The following PLAT variants were observed in gnomAD, a reference collection of about 807,000 sequenced individuals.
The protein encoded by PLAT is plasminogen activator, tissue type, also known as tissue-type plasminogen activator.
In PLAT, 48 loss-of-function variants were observed where a neutral mutation model predicts 74.9. That is an observed-to-expected ratio of 0.64 (90% CI 0.51 to 0.82). PLAT has a LOEUF of 0.82. Among genes scored for constraint, PLAT ranks in the 40% least tolerant of loss-of-function variants. PLAT has a pLI of 0.00. For synonymous variants in PLAT, 307 were observed against 294.4 expected, an observed-to-expected ratio of 1.04 and a Z score of -0.44; for missense variants, 673 against 736.2, an observed-to-expected ratio of 0.91 and a Z score of 0.99.
chr8:42,201,428 G>A (rs1194385261), intron 1 of PLAT, among the ~76,000 whole-genome samples: 1 of 152,146 alleles, frequency 6.6e-6, no homozygotes, highest in Non-Finnish European at 1.5e-5. Context: ...AAGCACTGAG[G>A]CTTCCCGCTT....
At chr8:42,179,671 A>G (rs1805131343) in intron 12 of PLAT, among the ~76,000 whole-genome samples, 1 of 152,144 alleles carries the variant, frequency 6.6e-6, no homozygotes, top group Non-Finnish European at 1.5e-5. Flanking sequence ...ACTGTACTCC[A>G]CTTCCTACTC....
chr8:42,180,316 T>C lies in PLAT; in HGVS notation c.1148A>G (p.Glu383Gly), dbSNP rs1805180183. The C allele has an allele frequency of 6.2e-7, 1 of 1,614,238 alleles. No homozygotes were observed. The change falls in exon 11 of 14, where the codon GAG becomes GGG. Residue 383 changes from glutamate (E) to glycine (G), a missense_variant. Coordinates refer to ENST00000220809, the MANE Select transcript of PLAT (RefSeq NM_000930.5). ...GRTYRVVPGE[E>G]EQKFEVEKYI... ...TTTTTCGACTTCAAATTTCTGCTCCTCCTCGCCAGGGACCACCCGGTATGT... is the reference window on the plus strand; with the variant it reads ...TTTTTCGACTTCAAATTTCTGCTCCCCCTCGCCAGGGACCACCCGGTATGT...
chr8:42,187,863 G>C, intron 5 of PLAT, 43 bp downstream of exon 5: 1 of 1,275,722 alleles, frequency 7.8e-7, no homozygotes, highest in Non-Finnish European at 1.1e-6. Context: ...GGAGACTGGA[G>C]AGGTGGGATT....
chr8:42,198,867 C>G (rs1806019914), intron 1 of PLAT, among the ~76,000 whole-genome samples: 1 of 152,166 alleles, frequency 6.6e-6, no homozygotes. Context: ...AACACACTCT[C>G]CACTGCCACC....
intron 13 of PLAT, among the ~76,000 whole-genome samples, chr8:42,177,836 C>T (rs8178890): frequency 0.032 from 4,876 of 152,216 alleles, 99 homozygotes; most frequent in Non-Finnish European, 0.052. Context: ...GAGGGGAAAC[C>T]GCCGATATGA....
chr8:42,180,471 T>G lies in PLAT; in HGVS notation c.1085+19A>C. 1 of 1,613,874 alleles carries G rather than the reference T, an allele frequency of 6.2e-7. No homozygotes were observed. The highest frequency in any genetic ancestry group is 8.5e-7 in the Non-Finnish European group (1 of 1,179,964). On this transcript the variant is annotated intron_variant, in intron 10 of 13. Transcript: ENST00000220809. ...GGCGTTAGAGGGTGGAAAAACCAAC[T>G]GGGTTTCCGAGCCCCTACCTCTCCT...
rs1805293394 is a variant in PLAT, at chr8:42,182,643, A to G, written c.803+76T>C. 15 of 1,147,254 alleles carry G rather than the reference A, an allele frequency of 1.3e-5. No individual in the cohort carries two copies. In the South Asian group the frequency reaches 1.8e-4, roughly 14 times the overall value. 71.1% of individuals were successfully genotyped at this position (1,147,254 alleles called of 1,614,324 possible). A position where few individuals can be genotyped will look rare whatever the true frequency, so the allele number is the denominator to read the frequency against. On this transcript the variant is annotated intron_variant, in intron 8 of 13. Transcript: ENST00000220809. ...CTGGGTCTGTCATGCAACTTGAGAC[A>G]TTGGATCTTCCCCCGTCTCACACCC...
intron 1 of PLAT, among the ~76,000 whole-genome samples, chr8:42,205,388 G>A (rs370412308): frequency 1.3e-5 from 2 of 152,178 alleles, no homozygotes; most frequent in Non-Finnish European, 2.9e-5. Context: ...TTAACCAGGT[G>A]TGGTGGCAGG....
chr8:42,192,961 G>C (rs1413446558), intron 2 of PLAT, among the ~76,000 whole-genome samples, 153 bp downstream of exon 2: 4 of 152,212 alleles, frequency 2.6e-5, no homozygotes, highest in Non-Finnish European at 1.5e-5. Flanking sequence ...AGTGTGTGCT[G>C]TGTGCTCCAC....
intron 13 of PLAT, among the ~76,000 whole-genome samples, chr8:42,176,748 C>G (rs1337386579): frequency 6.6e-6 from 1 of 152,150 alleles, no homozygotes; most frequent in African/African-American, 2.4e-5. Context: ...AACATTTATT[C>G]CCTGAATTAA....
chr8:42,190,849 C>A (rs968208558), intron 3 of PLAT, among the ~76,000 whole-genome samples: 32 of 151,792 alleles, frequency 2.1e-4, no homozygotes, highest in Middle Eastern at 3.2e-3. Context: ...GGTGGGACAT[C>A]CCAGTTGGGA....
chr8:42,189,172 A>G (rs1587936273), intron 3 of PLAT, 101 bp from the exon 4 acceptor site: 1 of 1,201,032 alleles, frequency 8.3e-7, no homozygotes, highest in East Asian at 2.4e-5. Flanking sequence ...TGCTTTCTAT[A>G]GACTCCATTG....
intron 1 of PLAT, among the ~76,000 whole-genome samples, chr8:42,193,958 C>T (rs571016360): frequency 6.6e-6 from 1 of 151,766 alleles, no homozygotes; most frequent in African/African-American, 2.4e-5. Context: ...TCGTGATCCG[C>T]TCGCCTTGGC....
intron 4 of PLAT, 137 bp downstream of exon 4, chr8:42,188,797 A>AT: frequency 1.4e-6 from 1 of 712,406 alleles, no homozygotes; most frequent in Non-Finnish European, 2.4e-6. Flanking sequence ...TAATTTTTTT[A>AT]TTTTTTGTAG....
chr8:42,199,755 A>G (rs528553508), intron 1 of PLAT, among the ~76,000 whole-genome samples: 27 of 152,368 alleles, frequency 1.8e-4, no homozygotes, highest in African/African-American at 6.0e-4. Flanking sequence ...TCTGAAGCAA[A>G]CACAAGGACC....
In PLAT at chr8:42,189,016, CAG is replaced by C; in HGVS notation, c.169_170del (p.Leu57AlafsTer63). 6.2e-7 allele frequency: 1 copy of C among 1,614,028 alleles called. No homozygotes were observed. Among genetic ancestry groups the C allele is most frequent in the Non-Finnish European group, 8.5e-7 (1 of 1,179,892 alleles). On this transcript the variant is annotated frameshift_variant, in exon 4 of 14. Transcript: ENST00000220809. LOFTEE classifies it high-confidence loss of function. The part of the protein sequence containing the change: ...QMIYQQHQSW[L>X]RPVLRSNRVE... ...CCCGGTTGCTTCTGAGCACAGGGCG[CAG>C]CCATGACTGATGTTGCTGGTATATC... is the stretch of plus-strand genomic sequence containing the variant.
At chr8:42,180,708 GCAGTCAGT>G (rs751909777) in intron 9 of PLAT, 23 bp from the exon 10 acceptor site, 2 of 1,540,720 alleles carry the variant, frequency 1.3e-6, no homozygotes, top group Non-Finnish European at 1.8e-6. Context: ...GGACGAGGAG[GCAGTCAGT>G]CCCACAGGCC....
intron 1 of PLAT, among the ~76,000 whole-genome samples, chr8:42,194,249 T>A (rs987470949): frequency 0.022 from 773 of 35,764 alleles, 1 homozygote; most frequent in African/African-American, 0.033. Flanking sequence ...AGAGTGTGTG[T>A]GTGTGTGTGT....
intron 5 of PLAT, 63 bp downstream of exon 5, chr8:42,187,843 C>CG: frequency 8.5e-7 from 1 of 1,172,222 alleles, no homozygotes; most frequent in South Asian, 1.3e-5. Flanking sequence ...CCTTTCCTTC[C>CG]GGGGGCGGGG....
Sources: allele counts gnomAD v4.1 joint callset (sites outside exome capture counted in the v4.1 genomes callset), GRCh38; gene constraint gnomAD v4.1.1; transcripts MANE v1.5; gene names NCBI Gene and HGNC (gene_info 2026-07-23, HGNC 2026-07-21).